Variants in HACE1 observed in about 807,000 individuals in gnomAD.
HACE1 encodes the protein HECT domain and ankyrin repeat containing E3 ubiquitin protein ligase 1, also known as E3 ubiquitin-protein ligase HACE1.
A neutral mutation model predicts 118.4 loss-of-function variants in HACE1; 73 were observed. The ratio of observed to expected loss-of-function variants is 0.62; its 90% confidence interval spans 0.51 to 0.75. The LOEUF is 0.75. HACE1 is among the 30% of genes least tolerant of loss of function. HACE1 has a pLI of 0.00. For synonymous variants in HACE1, 368 were observed against 374.8 expected, an observed-to-expected ratio of 0.98 and a Z score of 0.21; for missense variants, 749 against 1,102.2, an observed-to-expected ratio of 0.68 and a Z score of 4.54.
At chr6:104,760,856 A>T (rs1267054959) in intron 19 of HACE1, among the ~76,000 whole-genome samples, 4 of 152,216 alleles carry the variant, frequency 2.6e-5, no homozygotes, top group African/African-American at 9.7e-5. Context: ...AAGTCTCAGG[A>T]TACAAAATCA....
At chr6:104,740,592 C>G (rs1479648424) in intron 22 of HACE1, among the ~76,000 whole-genome samples, 5 of 151,714 alleles carry the variant, frequency 3.3e-5, no homozygotes, top group African/African-American at 1.2e-4. Context: ...CACATACACT[C>G]TCCCAAGACT....
chr6:104,773,384 T>A (rs1780849030), intron 17 of HACE1, among the ~76,000 whole-genome samples: 1 of 152,258 alleles, frequency 6.6e-6, no homozygotes, highest in Admixed American at 6.5e-5. Context: ...GTTAACCTGC[T>A]GACTAGTTTA....
intron 19 of HACE1, among the ~76,000 whole-genome samples, chr6:104,769,373 T>A (rs1288536832): frequency 6.6e-6 from 1 of 152,172 alleles, no homozygotes. Flanking sequence ...CCTCACCAGA[T>A]ATAGTATTCA....
intron 19 of HACE1, among the ~76,000 whole-genome samples, chr6:104,752,361 C>G (rs1313164293): frequency 1.3e-5 from 2 of 152,276 alleles, no homozygotes; most frequent in East Asian, 3.8e-4. Context: ...ATAGTGATTA[C>G]AGCAGTGATA....
intron 14 of HACE1, 151 bp downstream of exon 14, chr6:104,783,935 G>A (rs1782043317): frequency 1.6e-6 from 1 of 640,976 alleles, no homozygotes; most frequent in Non-Finnish European, 2.8e-6. Flanking sequence ...CATATTTCTT[G>A]AAGAAAACTT....
intron 10 of HACE1, 79 bp downstream of exon 10, chr6:104,795,500 C>T (rs923483625): frequency 1.0e-5 from 9 of 863,970 alleles, no homozygotes; most frequent in Non-Finnish European, 1.6e-5. Flanking sequence ...CAAAAGGTAT[C>T]CCACAGAATA....
chr6:104,783,837 A>G (rs1022824969), intron 14 of HACE1, among the ~76,000 whole-genome samples: 18 of 152,244 alleles, frequency 1.2e-4, no homozygotes, highest in African/African-American at 4.1e-4. Context: ...TTATAGAACT[A>G]AAGAGTTTCA....
chr6:104,776,668 A>G, intron 17 of HACE1, 73 bp downstream of exon 17: 1 of 927,766 alleles, frequency 1.1e-6, no homozygotes. Flanking sequence ...TGGAAATCAA[A>G]AATAAAATGT....
chr6:104,806,125 C>T (rs9486015), intron 7 of HACE1, among the ~76,000 whole-genome samples: 85,680 of 151,958 alleles, frequency 0.56, 25,739 homozygotes, highest in African/African-American at 0.79. Flanking sequence ...TTTCTAAAAC[C>T]ACACAGAAAT....
chr6:104,768,063 C>T (rs973136966), intron 19 of HACE1, among the ~76,000 whole-genome samples: 1 of 152,118 alleles, frequency 6.6e-6, no homozygotes, highest in African/African-American at 2.4e-5. Context: ...AAATGTGGAA[C>T]TAATATATAT....
intron 7 of HACE1, among the ~76,000 whole-genome samples, chr6:104,802,983 G>T (rs978560662): frequency 2.0e-5 from 3 of 152,070 alleles, no homozygotes; most frequent in African/African-American, 7.2e-5. Context: ...TAATAAAGAA[G>T]AAGAGAGAGA....
chr6:104,783,603 C>T (rs983688869), intron 14 of HACE1, among the ~76,000 whole-genome samples: 6 of 152,124 alleles, frequency 3.9e-5, no homozygotes, highest in Non-Finnish European at 7.3e-5. Flanking sequence ...CTTCATGTAA[C>T]ATGAGATGTA....
intron 6 of HACE1, among the ~76,000 whole-genome samples, chr6:104,821,031 C>T (rs1046189824): frequency 1.3e-5 from 2 of 152,126 alleles, no homozygotes; most frequent in African/African-American, 4.8e-5. Context: ...TGACAATGTC[C>T]TTTTCAGGGA....
intron 19 of HACE1, among the ~76,000 whole-genome samples, chr6:104,770,447 G>A (rs1780486297): frequency 6.6e-6 from 1 of 152,032 alleles, no homozygotes; most frequent in African/African-American, 2.4e-5. Flanking sequence ...GGCCGAGAGT[G>A]GTGGCTCATA....
rs1437188277 is a variant in HACE1, at chr6:104,785,185, A to C, written c.1209T>G (p.Ala403=). 2 of 1,613,982 alleles carry C rather than the reference A, an allele frequency of 1.2e-6. No homozygotes were observed. The highest frequency in any genetic ancestry group is 1.7e-5 in the Admixed American group (1 of 59,988). ...CTGGAGGTTCAAATGGAGGAATGGA[A>C]GCAGCATCTTGATCTTGGCCTTTTT... ...LKQKGQDQDA[A]SIPPFEPPGP... Residue 403 remains alanine (A), a synonymous_variant, in exon 12 of 24, where the codon GCT becomes GCG. Transcript: ENST00000262903.
At chr6:104,851,425 C>T (rs1055933870) in intron 2 of HACE1, among the ~76,000 whole-genome samples, 1 of 152,176 alleles carries the variant, frequency 6.6e-6, no homozygotes, top group African/African-American at 2.4e-5. Context: ...ACACCCACCA[C>T]AAAATACTGC....
At chr6:104,782,956 C>T in intron 14 of HACE1, among the ~76,000 whole-genome samples, 1 of 152,128 alleles carries the variant, frequency 6.6e-6, no homozygotes, top group East Asian at 1.9e-4. Flanking sequence ...TGCCATTCTC[C>T]TAAAGCAAGG....
chr6:104,779,308 TTTC>T (rs1256607491), intron 14 of HACE1, among the ~76,000 whole-genome samples: 2 of 152,212 alleles, frequency 1.3e-5, no homozygotes, highest in Non-Finnish European at 2.9e-5. Flanking sequence ...CACCAATAAA[TTTC>T]TTCATCTGAG....
At chr6:104,747,313 A>G (rs770589292) in intron 20 of HACE1, among the ~76,000 whole-genome samples, 16 of 152,094 alleles carry the variant, frequency 1.1e-4, no homozygotes, top group Admixed American at 5.9e-4. Context: ...GCAGCACAGT[A>G]TGGAAGAACA....
Sources: gnomAD v4.1 joint callset for allele counts (sites outside exome capture counted in the v4.1 genomes callset) on GRCh38, gnomAD v4.1.1 for gene constraint, MANE v1.5 for transcripts, NCBI Gene and HGNC (gene_info 2026-07-23, HGNC 2026-07-21) for gene names.